SYNPO: variants seen among roughly 807,000 people sequenced by gnomAD.
The protein encoded by SYNPO is synaptopodin.
Under a neutral mutation model 49.5 loss-of-function variants are expected in SYNPO, and 19 were observed. The observed-to-expected ratio is 0.38, with a 90% CI of 0.27 to 0.56. SYNPO has a LOEUF of 0.56. SYNPO is among the 20% of genes least tolerant of loss of function. The pLI is 0.68. For synonymous variants in SYNPO, 536 were observed against 548.0 expected (o/e 0.98, Z 0.31); for missense variants, 1,131 against 1,248.3 (o/e 0.91, Z 1.42).
rs1758295610 is a variant in SYNPO at position 150,649,934 on chromosome 5, G to T, written c.1659G>T (p.Gly553=). ...SLYHGYLPEN[G]VLRPEPTKQP... ...ACCATGGCTACCTGCCTGAGAACGG[G>T]GTCCTGCGCCCAGAGCCCACCAAGC... The change falls in exon 2 of 3, where the codon GGG becomes GGT. Residue 553 remains glycine (G), a synonymous_variant. Coordinates refer to ENST00000307662, the MANE Select transcript of SYNPO (RefSeq NM_007286.6). The T allele has an allele frequency of 6.2e-7, 1 of 1,612,274 alleles. No individual in the cohort carries two copies. Among genetic ancestry groups the T allele is most frequent in the African/African-American group, 1.3e-5 (1 of 74,904 alleles).
intron 1 of SYNPO, among the ~76,000 whole-genome samples, chr5:150,610,216 G>C (rs1430094409): frequency 6.6e-6 from 1 of 152,176 alleles, no homozygotes; most frequent in Admixed American, 6.5e-5. Flanking sequence ...TGAGACCCCA[G>C]GCCCAGGCTT....
chr5:150,631,565 G>A (rs1757538431), intron 2 of SYNPO, among the ~76,000 whole-genome samples: 1 of 152,232 alleles, frequency 6.6e-6, no homozygotes, highest in Non-Finnish European at 1.5e-5. Context: ...CAGGGCAGTG[G>A]GGCTGGTGGT....
In SYNPO at chr5:150,657,255, C is replaced by G. The variant is rs538208400; in HGVS notation, c.*168C>G. 9 of 718,008 alleles carry G rather than the reference C, an allele frequency of 1.3e-5. No individual in the cohort carries two copies. In the African/African-American group the frequency reaches 1.6e-4, roughly 13 times the overall value. 44.5% of individuals were successfully genotyped at this position (718,008 alleles called of 1,614,324 possible). ...AGGGACGCAAGCTTGAGTTCTAGCC[C>G]TTGCTCTCATTCAGCTGTTGTGTGA... On this transcript the variant is annotated 3_prime_UTR_variant, in exon 3 of 3. Transcript: ENST00000307662.
At chr5:150,604,334 A>G (rs972773471) in intron 1 of SYNPO, among the ~76,000 whole-genome samples, 3 of 152,196 alleles carry the variant, frequency 2.0e-5, no homozygotes, top group Non-Finnish European at 2.9e-5. Context: ...TGTTCCCATA[A>G]CTGTGGTCTG....
intron 2 of SYNPO, among the ~76,000 whole-genome samples, chr5:150,654,931 G>A (rs1417844954): frequency 6.6e-6 from 1 of 152,152 alleles, no homozygotes; most frequent in Non-Finnish European, 1.5e-5. Flanking sequence ...TTCGAGACCA[G>A]CCTGACCAAC....
upstream of SYNPO, among the ~76,000 whole-genome samples, chr5:150,637,542 G>A (rs1455922189): frequency 1.3e-5 from 2 of 152,186 alleles, no homozygotes; most frequent in Non-Finnish European, 2.9e-5. Flanking sequence ...GATTCCCAGC[G>A]CCTTCTTTGG....
At chr5:150,650,895 C>T (rs559137417) in intron 2 of SYNPO, 12 of 1,258,108 alleles carry the variant, frequency 9.5e-6, no homozygotes, top group Middle Eastern at 3.1e-4. Flanking sequence ...GTTTCCTCTC[C>T]GCTGCTTCAG....
chr5:150,646,089 G>A (rs1468986193), intron 1 of SYNPO, among the ~76,000 whole-genome samples: 1 of 151,956 alleles, frequency 6.6e-6, no homozygotes, highest in Non-Finnish European at 1.5e-5. Flanking sequence ...CAGCATTTTA[G>A]GAAGCCAAGG....
Position 150,617,912 on chromosome 5 carries a change from G to A in SYNPO, c.-265-191G>A, listed in dbSNP as rs76537501. Reference sequence around the variant, plus strand: ...TTAGATAAAGTTTCAGGTAGCATGAGGATGTGGTGAAAATCCAGGATGTTA... The same window carrying A: ...TTAGATAAAGTTTCAGGTAGCATGAAGATGTGGTGAAAATCCAGGATGTTA... On this transcript the variant is annotated intron_variant, in intron 1 of 2. Transcript: ENST00000394243. 0.093 allele frequency among the ~76,000 whole-genome samples: 14,138 copies of A among 152,218 alleles called. 1,557 individuals are homozygous for A. The highest frequency in any genetic ancestry group is 0.27 in the East Asian group (1,383 of 5,176).
At chr5:150,627,716 T>G (rs79114659) in intron 2 of SYNPO, among the ~76,000 whole-genome samples, 7,495 of 152,244 alleles carry the variant, frequency 0.049, 273 homozygotes, top group Middle Eastern at 0.14. Context: ...GACCTGAATC[T>G]TATTTGAAGC....
intron 1 of SYNPO, chr5:150,614,841 C>T (rs1756941788): frequency 6.6e-6 from 1 of 152,186 alleles, no homozygotes; most frequent in South Asian, 2.1e-4. Context: ...ATGGCTGAGT[C>T]CAGCAACCCC....
the SYNPO span, among the ~76,000 whole-genome samples, chr5:150,593,984 A>T: frequency 6.6e-6 from 1 of 152,246 alleles, no homozygotes; most frequent in African/African-American, 2.4e-5. Context: ...AAGCCCCACA[A>T]AGTGAGGTGA....
chr5:150,638,485 G>A (rs116609961), upstream of SYNPO, among the ~76,000 whole-genome samples: 73 of 152,328 alleles, frequency 4.8e-4, no homozygotes, highest in Non-Finnish European at 8.1e-4. Flanking sequence ...AAATGTGAAG[G>A]GGGAGGCTTT....
intron 1 of SYNPO, among the ~76,000 whole-genome samples, chr5:150,641,941 T>C (rs1757925133): frequency 6.6e-6 from 1 of 152,218 alleles, no homozygotes; most frequent in African/African-American, 2.4e-5. Context: ...TCCAGAGTCC[T>C]AGTCTGGAAG....
upstream of SYNPO, among the ~76,000 whole-genome samples, chr5:150,639,352 C>T (rs1210080906): frequency 2.0e-5 from 3 of 152,238 alleles, no homozygotes; most frequent in African/African-American, 7.2e-5. Flanking sequence ...CTCAACCTGC[C>T]GTTTCCTCTG....
intron 2 of SYNPO, among the ~76,000 whole-genome samples, chr5:150,632,211 A>G (rs1056250026): frequency 7.2e-5 from 11 of 152,216 alleles, no homozygotes; most frequent in Admixed American, 2.6e-4. Flanking sequence ...CCATGGATGC[A>G]GTATCAGCAT....
At chr5:150,620,099 C>T (rs1038080020) in intron 2 of SYNPO, among the ~76,000 whole-genome samples, 2 of 152,180 alleles carry the variant, frequency 1.3e-5, no homozygotes, top group Non-Finnish European at 2.9e-5. Context: ...TGGATGTTGC[C>T]GACTAGCCAA....
At chr5:150,652,385 C>T in intron 2 of SYNPO, 1 of 986,320 alleles carries the variant, frequency 1.0e-6, no homozygotes, top group Non-Finnish European at 1.2e-6. Context: ...GTCAGGGTTC[C>T]CTTCCTCCTG....
At position 150,625,458 on chromosome 5, in the gene SYNPO, G is replaced by C. The variant is rs531914815; in HGVS notation, c.400+6691G>C. 2.0e-5 allele frequency among the ~76,000 whole-genome samples: 3 copies of C among 152,314 alleles called. No individual in the cohort carries two copies. The East Asian group carries it at 5.8e-4, about 29-fold the overall frequency. On this transcript the variant is annotated intron_variant, in intron 2 of 2. Transcript: ENST00000394243. Reference sequence around the variant, plus strand: ...TCTGGCTGTGCCGGTGGGGCACACAGGATGCCAGAGCAGTCACACCCTGGG... The same window carrying C: ...TCTGGCTGTGCCGGTGGGGCACACACGATGCCAGAGCAGTCACACCCTGGG...
Sources: allele counts gnomAD v4.1 joint callset (sites outside exome capture counted in the v4.1 genomes callset), GRCh38; gene constraint gnomAD v4.1.1; transcripts MANE v1.5; gene names NCBI Gene and HGNC (gene_info 2026-07-23, HGNC 2026-07-21).